Variants in PHKA1 observed in about 807,000 individuals in gnomAD.
PHKA1 encodes phosphorylase b kinase regulatory subunit alpha, skeletal muscle isoform.
PHKA1 carries 60 observed loss-of-function variants against 110.2 expected under a neutral mutation model. That is an observed-to-expected ratio of 0.54 (90% confidence interval 0.44 to 0.68). PHKA1 has a LOEUF of 0.68. Among genes scored for constraint, PHKA1 ranks in the 30% least tolerant of loss-of-function variants. The pLI is 0.00. For synonymous variants in PHKA1, 316 were observed against 333.6 expected, an observed-to-expected ratio of 0.95 and a Z score of 0.58; for missense variants, 801 against 942.5, an observed-to-expected ratio of 0.85 and a Z score of 1.97.
rs1556200184 is a variant in PHKA1 at position 72,580,982 on chromosome X, G to A, written c.*20C>T. 1 of 1,204,808 alleles carries A rather than the reference G, an allele frequency of 8.3e-7. No individual in the cohort carries two copies. Among genetic ancestry groups the A allele is most frequent in the Non-Finnish European group, 1.1e-6 (1 of 889,922 alleles). On this transcript the variant is annotated 3_prime_UTR_variant, in exon 32 of 32. Coordinates refer to ENST00000373542, the MANE Select transcript of PHKA1 (RefSeq NM_002637.4). ...GGGACCAGCTGTCAAAAGGCTCCCA[G>A]AAGCCAGGAACCAAAGCCCTCATTG...
At chrX:72,585,783 T>C (rs1478184612) in intron 29 of PHKA1, among the ~76,000 whole-genome samples, 1 of 112,486 alleles carries the variant, frequency 8.9e-6, no homozygotes, top group African/African-American at 3.2e-5. Flanking sequence ...CATGCCTGGC[T>C]CACCAGGTCC....
intron 14 of PHKA1, among the ~76,000 whole-genome samples, chrX:72,640,258 CAT>C (rs782612426): frequency 8.1e-5 from 9 of 111,348 alleles, no homozygotes; most frequent in Non-Finnish European, 1.7e-4. Context: ...ATTTCAATAA[CAT>C]GTGGAAGAGA....
intron 16 of PHKA1, among the ~76,000 whole-genome samples, chrX:72,633,798 T>A (rs1172072741): frequency 1.8e-5 from 2 of 111,945 alleles, no homozygotes; most frequent in East Asian, 5.6e-4. Context: ...GAAAAATCTA[T>A]ATTAAATATC....
chrX:72,676,255 T>C, intron 5 of PHKA1, 105 bp from the exon 6 acceptor site: 1 of 524,722 alleles, frequency 1.9e-6, no homozygotes, highest in African/African-American at 2.4e-5. Context: ...GAGTAACTAA[T>C]TTGCCATATA....
chrX:72,686,135 C>T (rs2053964148), intron 4 of PHKA1, among the ~76,000 whole-genome samples: 1 of 112,108 alleles, frequency 8.9e-6, no homozygotes, highest in Non-Finnish European at 1.9e-5. Context: ...CAAATGAACT[C>T]CACTGTGAAT....
intron 10 of PHKA1, among the ~76,000 whole-genome samples, chrX:72,655,247 A>AAAAC (rs1383718598): frequency 8.9e-6 from 1 of 111,795 alleles, no homozygotes; most frequent in Admixed American, 9.4e-5. Context: ...GTCTCTACAA[A>AAAAC]AAACAAACAA....
chrX:72,603,254 C>A, intron 25 of PHKA1, 34 bp from the exon 26 acceptor site: 1 of 895,049 alleles, frequency 1.1e-6, no homozygotes, highest in Non-Finnish European at 1.6e-6. Flanking sequence ...AGAAGGACTT[C>A]TAATTTGCCT....
intron 21 of PHKA1, among the ~76,000 whole-genome samples, chrX:72,613,039 T>C (rs2052836105): frequency 9.0e-6 from 1 of 110,933 alleles, no homozygotes; most frequent in Non-Finnish European, 1.9e-5. Context: ...TGGGCAAGCA[T>C]TGTGAAGATT....
chrX:72,682,086 C>T (rs1556315997), intron 5 of PHKA1, among the ~76,000 whole-genome samples: 1 of 42,448 alleles, frequency 2.4e-5, no homozygotes, highest in African/African-American at 1.0e-4. Flanking sequence ...TGGGGGGGGT[C>T]GGCCCCCCGC....
chrX:72,664,118 T>C (rs1463106681), intron 8 of PHKA1, among the ~76,000 whole-genome samples: 1 of 111,467 alleles, frequency 9.0e-6, no homozygotes, highest in East Asian at 2.8e-4. Context: ...TGTAAATAGA[T>C]TAAATTTCTC....
At chrX:72,668,214 C>G (rs1306278272) in intron 6 of PHKA1, among the ~76,000 whole-genome samples, 1 of 111,919 alleles carries the variant, frequency 8.9e-6, no homozygotes, top group Non-Finnish European at 1.9e-5. Context: ...TATGTCTTCA[C>G]TAATATCTAG....
intron 14 of PHKA1, among the ~76,000 whole-genome samples, chrX:72,639,604 G>A (rs1479061653): frequency 2.7e-5 from 3 of 111,735 alleles, no homozygotes; most frequent in Admixed American, 9.5e-5. Flanking sequence ...TCAAAGACAT[G>A]TGCATTACAT....
At chrX:72,694,320 TC>T (rs1386794488) in intron 4 of PHKA1, among the ~76,000 whole-genome samples, 1 of 112,280 alleles carries the variant, frequency 8.9e-6, no homozygotes, top group Non-Finnish European at 1.9e-5. Context: ...CAATCTATCT[TC>T]CTGCTACTGA....
At chrX:72,669,351 T>C (rs1161653039) in intron 6 of PHKA1, among the ~76,000 whole-genome samples, 1 of 111,518 alleles carries the variant, frequency 9.0e-6, no homozygotes, top group Admixed American at 9.5e-5. Flanking sequence ...GTTTTTCTTT[T>C]TTTTTGTTGT....
chrX:72,580,918 G>T lies in PHKA1; in HGVS notation c.*84C>A. 1.2e-6 allele frequency: 1 copy of T among 864,689 alleles called. No individual in the cohort carries two copies. Among genetic ancestry groups the T allele is most frequent in the Non-Finnish European group, 1.7e-6 (1 of 593,966 alleles). 71.3% of individuals were successfully genotyped at this position (864,689 alleles called of 1,213,427 possible). ...AAAGGGGCAGGGTTGGAGTGATTAG[G>T]CAATAACATTTTAGTTCCATGCACA... On this transcript the variant is annotated 3_prime_UTR_variant, in exon 32 of 32. Coordinates refer to ENST00000373542, the MANE Select transcript of PHKA1 (RefSeq NM_002637.4).
In PHKA1 at chrX:72,695,028, T is replaced by C. The variant is rs782673559; in HGVS notation, c.454+680A>G. On this transcript the variant is annotated intron_variant, in intron 4 of 31. Coordinates refer to ENST00000373542, the MANE Select transcript of PHKA1 (RefSeq NM_002637.4). The stretch of plus-strand genomic sequence containing the variant: ...GAGGAAATAAAGGAAAGGTTTATCA[T>C]CAAATATTTATTTCTATTAAAAAAG... 7.5e-4 allele frequency among the ~76,000 whole-genome samples: 84 copies of C among 111,796 alleles called. 1 individual carries two copies. Among genetic ancestry groups the C allele is most frequent in the Admixed American group, 2.0e-3 (21 of 10,496 alleles).
At chrX:72,589,542 A>G (rs1294593572) in intron 29 of PHKA1, among the ~76,000 whole-genome samples, 1 of 111,799 alleles carries the variant, frequency 8.9e-6, no homozygotes, top group Non-Finnish European at 1.9e-5. Context: ...CTCTCTCACT[A>G]TTCCTATTCA....
chrX:72,631,089 T>G (rs781999985), intron 16 of PHKA1, among the ~76,000 whole-genome samples: 4 of 104,024 alleles, frequency 3.8e-5, no homozygotes, highest in Non-Finnish European at 7.9e-5. Flanking sequence ...GTCTCCATTC[T>G]GCTACTGGGC....
At chrX:72,682,371 C>T (rs868940719) in intron 5 of PHKA1, among the ~76,000 whole-genome samples, 315 of 112,023 alleles carry the variant, frequency 2.8e-3, no homozygotes, top group Middle Eastern at 4.8e-3. Context: ...CCAGCCGCCC[C>T]GTCCGGGAGG....
Sources: allele counts gnomAD v4.1 joint callset (sites outside exome capture counted in the v4.1 genomes callset), GRCh38; gene constraint gnomAD v4.1.1; transcripts MANE v1.5; gene names NCBI Gene and HGNC (gene_info 2026-07-23, HGNC 2026-07-21).